The following PLA2G4F variants were observed in gnomAD, a reference collection of about 807,000 sequenced individuals.
PLA2G4F encodes the protein cytosolic phospholipase A2 zeta.
In PLA2G4F, 105 loss-of-function variants were observed where a neutral mutation model predicts 103.1. That is an observed-to-expected ratio of 1.02 (90% CI 0.87 to 1.20). PLA2G4F has a LOEUF of 1.20. Ranked by LOEUF, PLA2G4F falls within the 50% of genes most tolerant of loss-of-function variation. The pLI is 0.00. For synonymous variants in PLA2G4F, 468 were observed against 441.1 expected (o/e 1.06, Z -0.76); for missense variants, 1,155 against 1,075.9 (o/e 1.07, Z -1.03).
chr15:42,144,305 C>A, intron 17 of PLA2G4F, 145 bp downstream of exon 17: 1 of 1,379,208 alleles, frequency 7.3e-7, no homozygotes. Flanking sequence ...CAGCTTCCAG[C>A]AGTATTTAGA....
intron 16 of PLA2G4F, 123 bp downstream of exon 16, chr15:42,145,452 G>C: frequency 2.0e-6 from 2 of 985,754 alleles, no homozygotes. Context: ...ATTTCCTCAG[G>C]ACTTCCCCGA....
rs2048899245 is a variant in PLA2G4F at position 42,147,201 on chromosome 15, C to A, written c.1342G>T (p.Val448Phe). Residue 448 changes from valine (V) to phenylalanine (F), a missense_variant, in exon 13 of 20, where the codon GTC becomes TTC. Transcript: ENST00000397272. ...ACGCTGTGGCCACTGCGCTCCCGGA[C>A]CCCCAGTTCCTGAGTGTAGTACTGT... ...RLQYYTQELGVRERSGHSVSL... is the reference protein window; with the variant it reads ...RLQYYTQELGFRERSGHSVSL... 1.2e-6 allele frequency: 2 copies of A among 1,612,594 alleles called. No individual in the cohort carries two copies. The highest frequency in any genetic ancestry group is 1.7e-6 in the Non-Finnish European group (2 of 1,179,780).
In PLA2G4F at chr15:42,146,844, G is replaced by C. The variant is rs546971604; in HGVS notation, c.1419+280C>G. 5.0e-4 allele frequency: 195 copies of C among 388,192 alleles called. 1 individual carries two copies. The South Asian group carries it at 6.9e-3, about 14-fold the overall frequency. The allele number at this position is 388,192 out of a possible 1,614,324, so 24.0% of individuals were successfully genotyped here. ...AACTAAAATCACTCTCTCTGGAAGG[G>C]GGGCCGAGGCATGGGTGTGTTTGAA... On this transcript the variant is annotated intron_variant, in intron 13 of 19. Transcript: ENST00000397272.
At chr15:42,143,179 A>T (rs1201149033) in intron 18 of PLA2G4F, among the ~76,000 whole-genome samples, 69 of 62,278 alleles carry the variant, frequency 1.1e-3, no homozygotes, top group African/African-American at 3.2e-3. Context: ...CTCCATCTAA[A>T]AAAAAAAAAA....
At chr15:42,154,016 G>C in intron 4 of PLA2G4F, 76 bp downstream of exon 4, 2 of 1,599,284 alleles carry the variant, frequency 1.3e-6, no homozygotes, top group East Asian at 2.2e-5. Flanking sequence ...GTGCCGACCA[G>C]AGCCCCCTCT....
rs2048817226 is a variant in PLA2G4F, at chr15:42,140,299, G to GA, written c.*1684dup. ...ACTTTCTAGGAGCCAGAGACAGCCT[G>GA]AGGCTCTAATGGGCACTGAAGAAAC... On this transcript the variant is annotated 3_prime_UTR_variant, in exon 20 of 20. Coordinates refer to ENST00000397272, the MANE Select transcript of PLA2G4F (RefSeq NM_213600.4). The GA allele has an allele frequency of 6.6e-6, 1 of 152,286 alleles. No homozygotes were observed. The highest frequency in any genetic ancestry group is 2.4e-5 in the African/African-American group (1 of 41,474). The allele number at this position is 152,286 out of a possible 1,614,324, so 9.4% of individuals were successfully genotyped here.
intron 5 of PLA2G4F, 59 bp from the exon 6 acceptor site, chr15:42,153,401 A>G (rs1341326508): frequency 1.3e-6 from 2 of 1,576,850 alleles, no homozygotes; most frequent in African/African-American, 2.7e-5. Context: ...TGGCCTCTAC[A>G]ATCATAATGT....
In PLA2G4F at chr15:42,147,764, T is replaced by C. The variant is rs746441320; in HGVS notation, c.1060-2A>G. ...ACCCAACACAGCCACTACAGGCACC[T>C]GGGTACAATAATAACAAGGATAACG... On this transcript the variant is annotated splice_acceptor_variant, in intron 11 of 19. Coordinates refer to ENST00000397272, the MANE Select transcript of PLA2G4F (RefSeq NM_213600.4). LOFTEE classifies it high-confidence loss of function. 4.3e-5 allele frequency: 69 copies of C among 1,613,606 alleles called. No individual in the cohort carries two copies. The highest frequency in any genetic ancestry group is 2.0e-4 in the Admixed American group (12 of 59,998).
rs1236644471 is a variant in PLA2G4F at position 42,156,579 on chromosome 15, C to A, written c.-30G>T. The A allele has an allele frequency of 1.4e-6, 2 of 1,478,416 alleles. No individual in the cohort carries two copies. The highest frequency in any genetic ancestry group is 1.8e-6 in the Non-Finnish European group (2 of 1,092,280). 91.6% of individuals were successfully genotyped at this position (1,478,416 alleles called of 1,614,324 possible). A position where few individuals can be genotyped will look rare whatever the true frequency, so the allele number is the denominator to read the frequency against. On this transcript the variant is annotated 5_prime_UTR_variant, in exon 1 of 20. Coordinates refer to ENST00000397272, the MANE Select transcript of PLA2G4F (RefSeq NM_213600.4). ...GGGCAGCCCGGGCCCCAGCAGGGAACCCTGCCTGCGCTCCTCTGGTTGCAC... is the reference window on the plus strand; with the variant it reads ...GGGCAGCCCGGGCCCCAGCAGGGAAACCTGCCTGCGCTCCTCTGGTTGCAC...
At position 42,142,662 on chromosome 15, in the gene PLA2G4F, C is replaced by A. The variant is rs138482995; in HGVS notation, c.2195G>T (p.Ser732Ile). The stretch of plus-strand genomic sequence containing the variant: ...CATGTCCTCAGGGCCCACCTCGATG[C>A]TAGGGAAGGGGATTCCTCGGTCCAG... ...YCLDRGIPFP[S>I]IEVGPEDMEE... Residue 732 changes from serine to isoleucine, a missense_variant, in exon 19 of 20, where the codon AGC becomes ATC. Physicochemically the swap from Ser to Ile is moderately radical, Grantham distance 142. Around this residue, in one of 3 missense-constraint regions of PLA2G4F, gnomAD observed 782 missense variants for 692.9 expected, o/e 1.13. Transcript: ENST00000397272. 323 of 1,614,012 alleles carry A rather than the reference C, an allele frequency of 2.0e-4. No homozygotes were observed. Among genetic ancestry groups the A allele is most frequent in the Non-Finnish European group, 4.6e-5 (54 of 1,180,024 alleles).
At chr15:42,148,181 C>CAAAAA (rs59009245) in intron 11 of PLA2G4F, among the ~76,000 whole-genome samples, 14 of 85,742 alleles carry the variant, frequency 1.6e-4, no homozygotes, top group African/African-American at 4.2e-4. Context: ...GACTCCGTCT[C>CAAAAA]AAAAAAAAAA....
In PLA2G4F at chr15:42,141,696, C is replaced by G. The variant is rs1271595614; in HGVS notation, c.*288G>C. ...GGTGGGCTCTGTGGCTCACCTGATT[C>G]TCTCCACACCCCGCTGTGAAATGAG... On this transcript the variant is annotated 3_prime_UTR_variant, in exon 20 of 20. Coordinates refer to ENST00000397272, the MANE Select transcript of PLA2G4F (RefSeq NM_213600.4). 3.6e-6 allele frequency: 2 copies of G among 550,682 alleles called. No individual in the cohort carries two copies. Among genetic ancestry groups the G allele is most frequent in the African/African-American group, 3.7e-5 (2 of 53,482 alleles). The allele number at this position is 550,682 out of a possible 1,614,324, so 34.1% of individuals were successfully genotyped here. A position where few individuals can be genotyped will look rare whatever the true frequency, so the allele number is the denominator to read the frequency against.
intron 7 of PLA2G4F, among the ~76,000 whole-genome samples, chr15:42,152,019 G>A (rs554076629): frequency 1.3e-5 from 2 of 152,216 alleles, no homozygotes; most frequent in Non-Finnish European, 2.9e-5. Flanking sequence ...GCACTGGAAG[G>A]GGCCTTTGCT....
intron 5 of PLA2G4F, 34 bp downstream of exon 5, chr15:42,153,586 A>G: frequency 6.2e-7 from 1 of 1,613,242 alleles, no homozygotes; most frequent in Non-Finnish European, 8.5e-7. Flanking sequence ...CAAATCTCTG[A>G]GTCTCTGAGG....
Position 42,141,430 on chromosome 15 carries a change from T to G in PLA2G4F, c.*554A>C, listed in dbSNP as rs2048825923. ...AGGAGACCAGAAGGCAGAAGGAGGG[T>G]TAGGATGATGGAGTCAGCAACATAG... On this transcript the variant is annotated 3_prime_UTR_variant, in exon 20 of 20. Transcript: ENST00000397272. 2.2e-6 allele frequency: 1 copy of G among 451,092 alleles called. No individual in the cohort carries two copies. The highest frequency in any genetic ancestry group is 4.5e-6 in the Non-Finnish European group (1 of 224,012). 27.9% of individuals were successfully genotyped at this position (451,092 alleles called of 1,614,324 possible).
In PLA2G4F at chr15:42,144,657, G is replaced by C. The variant is rs368968224; in HGVS notation, c.1781-13C>G. 15 of 1,560,014 alleles carry C rather than the reference G, an allele frequency of 9.6e-6. No individual in the cohort carries two copies. The highest frequency in any genetic ancestry group is 1.3e-5 in the Non-Finnish European group (15 of 1,153,860). On this transcript the variant is annotated splice_polypyrimidine_tract_variant and intron_variant, in intron 16 of 19. Coordinates refer to ENST00000397272, the MANE Select transcript of PLA2G4F (RefSeq NM_213600.4). ...TTCTGGCAGTCGTCTAGACAGGGGCGGGACAGTGAAATAGAGGGGAAAGTG... is the reference window on the plus strand; with the variant it reads ...TTCTGGCAGTCGTCTAGACAGGGGCCGGACAGTGAAATAGAGGGGAAAGTG...
intron 7 of PLA2G4F, 99 bp from the exon 8 acceptor site, chr15:42,150,876 C>G (rs2048953976): frequency 6.6e-7 from 1 of 1,504,814 alleles, no homozygotes; most frequent in African/African-American, 1.4e-5. Context: ...CCTCCCTTCT[C>G]TTCCCCTAGG....
rs73403546 is a variant in PLA2G4F, at chr15:42,150,625, G to T, written c.754C>A (p.Leu252Met). Reference sequence around the variant, plus strand: ...GCACTCACCTGCACAGCTGCCAGCAGCTCCATCAGCTCCACGTGTAGCCTG... The same window carrying T: ...GCACTCACCTGCACAGCTGCCAGCATCTCCATCAGCTCCACGTGTAGCCTG... ...SSRLHVELME[L>M]LAAVQSGPSA... Residue 252 changes from leucine to methionine, a missense_variant, in exon 8 of 20, where the codon CTG becomes ATG. Transcript: ENST00000397272. The T allele has an allele frequency of 1.2e-6, 2 of 1,610,522 alleles. No individual in the cohort carries two copies. The highest frequency in any genetic ancestry group is 2.7e-5 in the African/African-American group (2 of 74,908).
chr15:42,150,434 C>T lies in PLA2G4F; in HGVS notation c.824G>A (p.Gly275Asp), dbSNP rs147411324. 7.4e-6 allele frequency: 12 copies of T among 1,613,266 alleles called. No homozygotes were observed. The highest frequency in any genetic ancestry group is 1.3e-5 in the African/African-American group (1 of 75,016). ...TAGGGGCAGAGAGGAGAGCAGGATG[C>T]CCCCCTCGCCCAGCTTGCTGGTCTG... is the stretch of plus-strand genomic sequence containing the variant. ...EAQTSKLGEG[G>D]ILLSSLPLGQ... Residue 275 changes from glycine (G) to aspartate (D), a missense_variant, in exon 9 of 20, where the codon GGC becomes GAC. Physicochemically the swap from Gly to Asp is moderately conservative, Grantham distance 94. Around this residue, in one of 3 missense-constraint regions of PLA2G4F, gnomAD observed 370 missense variants for 364.9 expected, o/e 1.01. Transcript: ENST00000397272.
Sources: gnomAD v4.1 joint callset for allele counts (sites outside exome capture counted in the v4.1 genomes callset) on GRCh38, gnomAD v4.1.1 for gene constraint, gnomAD v4.1.1 regional missense constraint, MANE v1.5 for transcripts, NCBI Gene and HGNC (gene_info 2026-07-23, HGNC 2026-07-21) for gene names.